The following ROBO1 variants were observed in gnomAD, a reference collection of about 807,000 sequenced individuals.
ROBO1 encodes roundabout guidance receptor 1.
In ROBO1, 149 loss-of-function variants were observed where a neutral mutation model predicts 195.9. The observed-to-expected ratio is 0.76, with a 90% confidence interval of 0.67 to 0.87. The LOEUF is 0.87. ROBO1 is among the 40% of genes least tolerant of loss of function. ROBO1 has a pLI of 0.00. For synonymous variants in ROBO1, 816 were observed against 733.2 expected (o/e 1.11, Z -1.82); for missense variants, 1,933 against 2,068.3 (o/e 0.93, Z 1.27).
At chr3:78,900,992 G>A (rs1032743117) in intron 4 of ROBO1, among the ~76,000 whole-genome samples, 7 of 151,750 alleles carry the variant, frequency 4.6e-5, no homozygotes, top group Middle Eastern at 3.4e-3. Flanking sequence ...ACCAAGACAC[G>A]AACAGCCTCA....
intron 2 of ROBO1, among the ~76,000 whole-genome samples, chr3:79,141,172 T>A (rs1466827492): frequency 6.6e-6 from 1 of 152,064 alleles, no homozygotes; most frequent in African/African-American, 2.4e-5. Context: ...GTGGGGGACA[T>A]CTGAAGCATC....
intron 2 of ROBO1, among the ~76,000 whole-genome samples, chr3:79,458,858 A>G (rs1344393849): frequency 1.3e-5 from 2 of 152,110 alleles, no homozygotes; most frequent in South Asian, 2.1e-4. Flanking sequence ...GAATAGGTAC[A>G]TATCCAATTT....
At chr3:79,114,508 A>T (rs1576690321) in intron 3 of ROBO1, among the ~76,000 whole-genome samples, 2 of 152,242 alleles carry the variant, frequency 1.3e-5, no homozygotes, top group Admixed American at 1.3e-4. Flanking sequence ...TCCCCAGCTT[A>T]TCATCCTGGT....
intron 4 of ROBO1, among the ~76,000 whole-genome samples, chr3:78,866,555 C>T (rs1247600279): frequency 6.6e-6 from 1 of 152,112 alleles, no homozygotes; most frequent in Non-Finnish European, 1.5e-5. Flanking sequence ...AATAAAGAAG[C>T]TAATATTATA....
chr3:79,213,071 C>T (rs1444820289), intron 2 of ROBO1, among the ~76,000 whole-genome samples: 7 of 151,728 alleles, frequency 4.6e-5, no homozygotes, highest in Non-Finnish European at 1.5e-5. Flanking sequence ...TAGTGAAACC[C>T]CATCTCTACT....
chr3:78,878,265 T>C (rs1221066226), intron 4 of ROBO1, among the ~76,000 whole-genome samples: 1 of 151,976 alleles, frequency 6.6e-6, no homozygotes. Flanking sequence ...CCTTGCAAGA[T>C]ACTAAAAAGC....
chr3:78,928,212 G>A (rs1369746183), intron 4 of ROBO1, among the ~76,000 whole-genome samples: 1 of 152,116 alleles, frequency 6.6e-6, no homozygotes, highest in Non-Finnish European at 1.5e-5. Context: ...AGAATTAATT[G>A]TCTGTAACTA....
intron 2 of ROBO1, among the ~76,000 whole-genome samples, chr3:79,573,294 C>T (rs1943342541): frequency 6.6e-6 from 1 of 152,066 alleles, no homozygotes; most frequent in Admixed American, 6.6e-5. Flanking sequence ...TCAAGCAATC[C>T]TCCTTCTTCT....
chr3:79,506,586 A>C (rs1940409513), intron 2 of ROBO1, among the ~76,000 whole-genome samples: 1 of 151,978 alleles, frequency 6.6e-6, no homozygotes, highest in East Asian at 1.9e-4. Context: ...CTGGGACTAC[A>C]GGCATGCACC....
At chr3:79,030,175 AT>A (rs1290424778) in intron 3 of ROBO1, among the ~76,000 whole-genome samples, 2 of 152,138 alleles carry the variant, frequency 1.3e-5, no homozygotes, top group Non-Finnish European at 2.9e-5. Context: ...CCATTTCAGT[AT>A]TTTCAACTAG....
At chr3:78,909,617 A>C (rs965448441) in intron 4 of ROBO1, among the ~76,000 whole-genome samples, 28 of 151,838 alleles carry the variant, frequency 1.8e-4, no homozygotes, top group Admixed American at 1.3e-4. Flanking sequence ...GTGGTGGTGA[A>C]TATTTTGGTT....
chr3:79,584,173 C>G (rs997496267), intron 2 of ROBO1, among the ~76,000 whole-genome samples: 1 of 150,820 alleles, frequency 6.6e-6, no homozygotes, highest in African/African-American at 2.4e-5. Context: ...TCAAGATGAA[C>G]TTATTTTATC....
chr3:79,330,671 GAA>G (rs34923136), intron 2 of ROBO1, among the ~76,000 whole-genome samples: 1,324 of 77,420 alleles, frequency 0.017, 26 homozygotes, highest in African/African-American at 0.056. Context: ...GGAACTTAGG[GAA>G]AAAAAAAAAA....
chr3:78,675,249 G>A (rs1036739067), intron 10 of ROBO1, among the ~76,000 whole-genome samples: 8 of 152,052 alleles, frequency 5.3e-5, no homozygotes, highest in Non-Finnish European at 8.8e-5. Context: ...CGCAGAAGAT[G>A]GGTGATTTCT....
chr3:79,278,636 TA>T (rs2031255575), intron 2 of ROBO1, among the ~76,000 whole-genome samples: 1 of 152,106 alleles, frequency 6.6e-6, no homozygotes, highest in Admixed American at 6.5e-5. Context: ...TGAACATTCA[TA>T]TGCAGAAGAA....
At chr3:79,090,227 C>T (rs375305680) in intron 3 of ROBO1, among the ~76,000 whole-genome samples, 21 of 152,200 alleles carry the variant, frequency 1.4e-4, no homozygotes, top group Non-Finnish European at 2.2e-4. Flanking sequence ...CATGAGCCAC[C>T]GCTCCTGGCC....
intron 2 of ROBO1, among the ~76,000 whole-genome samples, chr3:79,369,605 G>A (rs1180966204): frequency 1.3e-5 from 2 of 152,018 alleles, no homozygotes; most frequent in Non-Finnish European, 2.9e-5. Context: ...TTATTGAAAG[G>A]TTAGATTTTG....
At chr3:79,710,643 T>A (rs1425656259) in intron 1 of ROBO1, among the ~76,000 whole-genome samples, 2 of 152,134 alleles carry the variant, frequency 1.3e-5, no homozygotes, top group Admixed American at 1.3e-4. Context: ...TTGGTAAGTA[T>A]GTAAATAACA....
intron 2 of ROBO1, among the ~76,000 whole-genome samples, chr3:79,223,707 GA>G (rs1411676471): frequency 1.3e-5 from 2 of 152,084 alleles, no homozygotes; most frequent in Admixed American, 6.6e-5. Context: ...AATTCAAAAG[GA>G]AATGTGAAAT....
Sources: allele counts gnomAD v4.1 joint callset (sites outside exome capture counted in the v4.1 genomes callset), GRCh38; gene constraint gnomAD v4.1.1; transcripts MANE v1.5; gene names NCBI Gene and HGNC (gene_info 2026-07-23, HGNC 2026-07-21).